Variants in DIP2B observed in about 807,000 individuals in gnomAD.
DIP2B encodes the protein DIP2 acetate--CoA ligase B (putative).
DIP2B carries 76 observed loss-of-function variants against 198.0 expected under a neutral mutation model. That is an observed-to-expected ratio of 0.38 (90% CI 0.32 to 0.46). DIP2B has a LOEUF of 0.46. DIP2B is among the 20% of genes least tolerant of loss of function. The pLI is 0.99. For missense variants in DIP2B, 1,559 were observed against 1,978.4 expected (o/e 0.79, Z 4.02); for synonymous variants, 701 against 739.1 (o/e 0.95, Z 0.84).
At chr12:50,591,941 G>A (rs1381793984) in intron 1 of DIP2B, among the ~76,000 whole-genome samples, 1 of 150,220 alleles carries the variant, frequency 6.7e-6, no homozygotes, top group Non-Finnish European at 1.5e-5. Flanking sequence ...GCAGTGGTGC[G>A]ATCTTGGCTC....
intron 2 of DIP2B, among the ~76,000 whole-genome samples, chr12:50,638,812 G>A (rs1235274701): frequency 2.0e-5 from 3 of 151,754 alleles, no homozygotes; most frequent in African/African-American, 7.3e-5. Context: ...GAGGCCTGAG[G>A]TATGGGTTGA....
chr12:50,698,193 A>G (rs1939351931), intron 17 of DIP2B, 135 bp from the exon 18 acceptor site: 2 of 1,103,120 alleles, frequency 1.8e-6, no homozygotes, highest in African/African-American at 3.2e-5. Context: ...CCCAGCTCTA[A>G]TTTGGCATAT....
rs531494453 is a variant in DIP2B at position 50,727,317 on chromosome 12, A to G, written c.3401-386A>G. 5.9e-5 allele frequency among the ~76,000 whole-genome samples: 9 copies of G among 152,330 alleles called. No individual in the cohort carries two copies. The South Asian group carries it at 1.7e-3, about 28-fold the overall frequency. The stretch of plus-strand genomic sequence containing the variant: ...TGTGAATTAACTTCCCAACAGTTCT[A>G]TGAGGGTAGGTATTATTTTAGAGAT... On this transcript the variant is annotated intron_variant, in intron 28 of 37. Coordinates refer to ENST00000301180, the MANE Select transcript of DIP2B (RefSeq NM_173602.3).
chr12:50,708,566 A>C lies in DIP2B; in HGVS notation c.2649+4A>C, dbSNP rs1470798521. The C allele has an allele frequency of 1.3e-6, 2 of 1,580,462 alleles. No individual in the cohort carries two copies. The highest frequency in any genetic ancestry group is 3.7e-5 in the Admixed American group (2 of 54,760). On this transcript the variant is annotated splice_donor_region_variant and intron_variant, in intron 22 of 37. Coordinates refer to ENST00000301180, the MANE Select transcript of DIP2B (RefSeq NM_173602.3). ...GTGGATGAGCCGCGTGCTGCAGGTG[A>C]GCACACTTTGGGGTCTGTGTCAGGT... is the stretch of plus-strand genomic sequence containing the variant.
intron 9 of DIP2B, among the ~76,000 whole-genome samples, chr12:50,681,248 T>C (rs1013253926): frequency 2.5e-4 from 38 of 152,022 alleles, no homozygotes; most frequent in African/African-American, 8.7e-4. Context: ...CTGGGCAACA[T>C]AGTGAGACCC....
intron 2 of DIP2B, among the ~76,000 whole-genome samples, chr12:50,629,477 C>T (rs1938000639): frequency 6.6e-6 from 1 of 152,090 alleles, no homozygotes; most frequent in Non-Finnish European, 1.5e-5. Flanking sequence ...GCTTGGTGGT[C>T]CAGGGACCAC....
At chr12:50,598,660 T>C (rs1306086711) in intron 1 of DIP2B, among the ~76,000 whole-genome samples, 3 of 150,004 alleles carry the variant, frequency 2.0e-5, no homozygotes, top group Non-Finnish European at 4.4e-5. Context: ...TTTTATTCTT[T>C]CTTTCAGTTG....
Position 50,695,294 on chromosome 12 carries a change from A to G in DIP2B, c.1747A>G (p.Ser583Gly), listed in dbSNP as rs541252119. 4.6e-5 allele frequency: 74 copies of G among 1,613,880 alleles called. No homozygotes were observed. The highest frequency in any genetic ancestry group is 6.7e-5 in the Admixed American group (4 of 59,976). Residue 583 changes from serine (S) to glycine (G), a missense_variant, in exon 15 of 38, where the codon AGC becomes GGC. Transcript: ENST00000301180. ...TGTAATGAATAAGATGCACACAATCAGCGTACCCTACTCTGTTATGAAAAC... is the reference window on the plus strand; with the variant it reads ...TGTAATGAATAAGATGCACACAATCGGCGTACCCTACTCTGTTATGAAAAC... ...ANVMNKMHTISVPYSVMKTCP... is the reference protein window; with the variant it reads ...ANVMNKMHTIGVPYSVMKTCP...
At chr12:50,644,235 A>G (rs1938310807) in intron 3 of DIP2B, among the ~76,000 whole-genome samples, 1 of 152,132 alleles carries the variant, frequency 6.6e-6, no homozygotes, top group African/African-American at 2.4e-5. Flanking sequence ...TTTTTCCTGC[A>G]CATCCAGGCA....
intron 1 of DIP2B, among the ~76,000 whole-genome samples, chr12:50,611,102 T>C (rs1296694449): frequency 6.6e-6 from 1 of 152,206 alleles, no homozygotes; most frequent in Non-Finnish European, 1.5e-5. Context: ...TTGGCCGATG[T>C]AAATATCTTT....
chr12:50,601,444 A>G lies in DIP2B; in HGVS notation c.101-24532A>G, dbSNP rs566106779. 1.7e-4 allele frequency among the ~76,000 whole-genome samples: 26 copies of G among 151,770 alleles called. No individual in the cohort carries two copies. The East Asian group carries it at 5.0e-3, about 29-fold the overall frequency. ...ACTGCAAGCTCCGCCTCCCAGGTTCACGCCATTCTCCTGCCTCAGCCTCCT... is the reference window on the plus strand; with the variant it reads ...ACTGCAAGCTCCGCCTCCCAGGTTCGCGCCATTCTCCTGCCTCAGCCTCCT... On this transcript the variant is annotated intron_variant, in intron 1 of 37. Coordinates refer to ENST00000301180, the MANE Select transcript of DIP2B (RefSeq NM_173602.3).
At chr12:50,699,027 A>G in intron 18 of DIP2B, 39 bp from the exon 19 acceptor site, 1 of 1,599,864 alleles carries the variant, frequency 6.3e-7, no homozygotes, top group Admixed American at 1.7e-5. Context: ...AAAGTTTTCT[A>G]GAATCTTTGT....
rs62685162 is a variant in DIP2B, at chr12:50,578,504, C to CTTT, written c.101-47453_101-47451dup. ...TAATGATATTAAGATGTTATTTGCT[C>CTTT]TTTTTTTTTTTTTTTTTTTTTGAGA... On this transcript the variant is annotated intron_variant, in intron 1 of 37. Coordinates refer to ENST00000301180, the MANE Select transcript of DIP2B (RefSeq NM_173602.3). 3.4e-3 allele frequency among the ~76,000 whole-genome samples: 381 copies of CTTT among 111,592 alleles called. 2 individuals carry two copies. The highest frequency in any genetic ancestry group is 4.3e-3 in the Non-Finnish European group (241 of 56,276). The allele number at this position is 111,592 out of a possible 152,430, so 73.2% of individuals were successfully genotyped here.
intron 1 of DIP2B, among the ~76,000 whole-genome samples, chr12:50,601,104 G>T (rs970768544): frequency 3.0e-4 from 45 of 152,144 alleles, no homozygotes; most frequent in African/African-American, 1.0e-3. Flanking sequence ...ATCTGTTATG[G>T]TATAATTTGT....
rs1939672109 is a variant in DIP2B at position 50,714,273 on chromosome 12, G to C, written c.2650-122G>C. On this transcript the variant is annotated intron_variant, in intron 22 of 37. Coordinates refer to ENST00000301180, the MANE Select transcript of DIP2B (RefSeq NM_173602.3). ...TATATGGAATCTTAGTGATCTGCCA[G>C]ATTCTAGATCTAGAATGGGTAGAGT... 4 of 984,988 alleles carry C rather than the reference G, an allele frequency of 4.1e-6. No individual in the cohort carries two copies. The East Asian group carries it at 1.0e-4, about 25-fold the overall frequency. The allele number at this position is 984,988 out of a possible 1,614,324, so 61.0% of individuals were successfully genotyped here. A position where few individuals can be genotyped will look rare whatever the true frequency, so the allele number is the denominator to read the frequency against.
At chr12:50,514,132 C>A (rs1018757635) in intron 1 of DIP2B, among the ~76,000 whole-genome samples, 1 of 140,722 alleles carries the variant, frequency 7.1e-6, no homozygotes, top group East Asian at 2.1e-4. Flanking sequence ...ATGGCATGAT[C>A]TCAGCTCACC....
chr12:50,575,523 C>T (rs1215850544), intron 1 of DIP2B, among the ~76,000 whole-genome samples: 1 of 152,076 alleles, frequency 6.6e-6, no homozygotes, highest in African/African-American at 2.4e-5. Context: ...CAGTCCCCAG[C>T]AGCTGAGACT....
intron 22 of DIP2B, among the ~76,000 whole-genome samples, chr12:50,710,517 G>T (rs1022426095): frequency 1.8e-4 from 28 of 152,008 alleles, no homozygotes; most frequent in African/African-American, 5.8e-4. Flanking sequence ...TCCGCCTCCT[G>T]GGTTCAAGCG....
chr12:50,579,805 G>A (rs1958707623), intron 1 of DIP2B, among the ~76,000 whole-genome samples: 1 of 148,962 alleles, frequency 6.7e-6, no homozygotes, highest in South Asian at 2.1e-4. Flanking sequence ...TGAAAGTAAA[G>A]TCATTTCTGA....
Sources: allele counts gnomAD v4.1 joint callset (sites outside exome capture counted in the v4.1 genomes callset), GRCh38; gene constraint gnomAD v4.1.1; transcripts MANE v1.5; gene names NCBI Gene and HGNC (gene_info 2026-07-23, HGNC 2026-07-21).